The following AKR7A2 variants were observed in gnomAD, a reference collection of about 807,000 sequenced individuals.
The protein encoded by AKR7A2 is aldo-keto reductase family 7 member A2.
In AKR7A2, 29 loss-of-function variants were observed where a neutral mutation model predicts 37.3. The ratio of observed to expected loss-of-function variants is 0.78; its 90% CI spans 0.58 to 1.06. The LOEUF is 1.06. AKR7A2 is among the 50% of genes least tolerant of loss of function. The pLI is 0.00. For missense variants in AKR7A2, 529 were observed against 497.9 expected (o/e 1.06, Z -0.59); for synonymous variants, 228 against 217.8 (o/e 1.05, Z -0.41).
intron 6 of AKR7A2, 30 bp downstream of exon 6, chr1:19,305,985 GGAA>G: frequency 6.2e-7 from 1 of 1,613,246 alleles, no homozygotes; most frequent in South Asian, 1.1e-5. Context: ...CCCCTGGAAG[GGAA>G]GAAGCTGAGC....
At chr1:19,307,965 G>T in intron 3 of AKR7A2, 193 bp downstream of exon 3, 1 of 706,892 alleles carries the variant, frequency 1.4e-6, no homozygotes, top group Non-Finnish European at 2.5e-6. Context: ...AGATAGGCAG[G>T]AAGGAAGCAG....
In AKR7A2 at chr1:19,304,149, T is replaced by G. The variant is rs2093756856; in HGVS notation, c.*76A>C. The stretch of plus-strand genomic sequence containing the variant: ...TCAGAAAAACCCTTCTAAGTCAGCT[T>G]AAGGCCAAGACTGGTCAGTGTGAGA... On this transcript the variant is annotated 3_prime_UTR_variant, in exon 7 of 7. Transcript: ENST00000235835. 1 of 1,611,052 alleles carries G rather than the reference T, an allele frequency of 6.2e-7. No homozygotes were observed. The highest frequency in any genetic ancestry group is 2.2e-5 in the East Asian group (1 of 44,870).
intron 3 of AKR7A2, chr1:19,307,867 G>A: frequency 1.8e-6 from 1 of 547,724 alleles, no homozygotes; most frequent in Admixed American, 3.1e-5. Flanking sequence ...TGTAAGGCCT[G>A]AGTGCTTCTC....
downstream of AKR7A2, among the ~76,000 whole-genome samples, chr1:19,302,772 CCT>C (rs902086825): frequency 2.0e-5 from 3 of 150,826 alleles, no homozygotes; most frequent in African/African-American, 7.4e-5. Flanking sequence ...CCCACTGCAA[CCT>C]CTGTTTCCGG....
At chr1:19,308,682 C>A (rs759316181) in intron 1 of AKR7A2, 40 bp from the exon 2 acceptor site, 2 of 1,591,142 alleles carry the variant, frequency 1.3e-6, no homozygotes, top group East Asian at 2.2e-5. Flanking sequence ...CCTATTAGAG[C>A]CATTTGCTAA....
At chr1:19,306,214 T>G in intron 5 of AKR7A2, 67 bp from the exon 6 acceptor site, 1 of 1,610,240 alleles carries the variant, frequency 6.2e-7, no homozygotes, top group Non-Finnish European at 8.5e-7. Context: ...CGCAACCAAA[T>G]AGCCATCCAG....
downstream of AKR7A2, among the ~76,000 whole-genome samples, chr1:19,303,755 T>C (rs1172863516): frequency 6.6e-6 from 1 of 152,316 alleles, no homozygotes; most frequent in African/African-American, 2.4e-5. Context: ...TGACTCTCTT[T>C]TCTATCGTGT....
intron 6 of AKR7A2, chr1:19,305,309 A>T (rs918288667): frequency 6.5e-6 from 1 of 154,042 alleles, no homozygotes; most frequent in African/African-American, 2.4e-5. Context: ...CTGAAGCTGG[A>T]GATAAGTTTG....
At chr1:19,309,902 T>A (rs1030498783) in intron 1 of AKR7A2, among the ~76,000 whole-genome samples, 3 of 151,696 alleles carry the variant, frequency 2.0e-5, no homozygotes, top group African/African-American at 7.3e-5. Flanking sequence ...ATGGTGAAAC[T>A]CTGTCTCTAC....
chr1:19,310,424 G>C (rs551168050), intron 1 of AKR7A2, among the ~76,000 whole-genome samples: 1 of 151,246 alleles, frequency 6.6e-6, no homozygotes. Flanking sequence ...GTGGCCGGGC[G>C]TGGTGGCTTA....
Position 19,308,656 on chromosome 1 carries a change from T to G in AKR7A2, c.299-14A>C. ...TGGCAATTTTCACTTGGAGAGAGAATGGAATGGTTAAGTGACCTATTAGAG... is the reference window on the plus strand; with the variant it reads ...TGGCAATTTTCACTTGGAGAGAGAAGGGAATGGTTAAGTGACCTATTAGAG... On this transcript the variant is annotated splice_polypyrimidine_tract_variant and intron_variant, in intron 1 of 6. Transcript: ENST00000235835. 6.2e-7 allele frequency: 1 copy of G among 1,613,594 alleles called. No individual in the cohort carries two copies. Among genetic ancestry groups the G allele is most frequent in the Non-Finnish European group, 8.5e-7 (1 of 1,179,626 alleles).
chr1:19,308,626 C>T lies in AKR7A2; in HGVS notation c.315G>A (p.Lys105=). 6.2e-7 allele frequency: 1 copy of T among 1,614,144 alleles called. No individual in the cohort carries two copies. The highest frequency in any genetic ancestry group is 8.5e-7 in the Non-Finnish European group (1 of 1,180,032). ...GTGATTTTCCATCCCAAGGGTTGGC[C>T]TTGGTGGCAATTTTCACTTGGAGAG... The part of the protein sequence containing the change: ...GGDCRVKIAT[K]ANPWDGKSLK... Residue 105 remains lysine, a synonymous_variant, in exon 2 of 7, where the codon AAG becomes AAA. Coordinates refer to ENST00000235835, the MANE Select transcript of AKR7A2 (RefSeq NM_003689.4).
rs1225835531 is a variant in AKR7A2 at position 19,307,958 on chromosome 1, T to C, written c.591+200A>G. The stretch of plus-strand genomic sequence containing the variant: ...GAAGGAAGGGTCCAAGGTGCACAGA[T>C]AGGCAGGAAGGAAGCAGATGCCCAG... On this transcript the variant is annotated intron_variant, in intron 3 of 6. Transcript: ENST00000235835. 4 of 688,392 alleles carry C rather than the reference T, an allele frequency of 5.8e-6. No individual in the cohort carries two copies. The Admixed American group carries it at 6.6e-5, about 11-fold the overall frequency. 42.6% of individuals were successfully genotyped at this position (688,392 alleles called of 1,614,324 possible).
chr1:19,311,185 G>C (rs779483441), intron 1 of AKR7A2, among the ~76,000 whole-genome samples: 2 of 152,200 alleles, frequency 1.3e-5, no homozygotes, highest in Non-Finnish European at 2.9e-5. Context: ...GGGCTCTCCA[G>C]CAATCATTAC....
Position 19,306,085 on chromosome 1 carries a change from T to C in AKR7A2, c.851A>G (p.Tyr284Cys). 2.5e-6 allele frequency: 4 copies of C among 1,614,180 alleles called. No individual in the cohort carries two copies. The highest frequency in any genetic ancestry group is 3.4e-6 in the Non-Finnish European group (4 of 1,179,998). The change falls in exon 6 of 7, where the codon TAT becomes TGT. Residue 284 changes from tyrosine (Y) to cysteine (C), a missense_variant. Tyr to Cys is a radical substitution (Grantham distance 194). Transcript: ENST00000235835. ...GGTCACACTGGGGGCGCTGGCGCCA[T>C]ATGCGGCCTGCAGGGCCTTCTCCAC... Reference protein sequence around the residue: ...ALVEKALQAAYGASAPSVTSA... With the variant: ...ALVEKALQAACGASAPSVTSA...
intron 3 of AKR7A2, chr1:19,307,819 G>T: frequency 2.0e-6 from 1 of 508,256 alleles, no homozygotes. Flanking sequence ...GACTCCTATG[G>T]GGCTGTCTAG....
chr1:19,303,881 T>C, downstream of AKR7A2: 1 of 375,922 alleles, frequency 2.7e-6, no homozygotes, highest in Non-Finnish European at 5.1e-6. Flanking sequence ...ACCTCTGCCC[T>C]CTGAAGACTC....
Position 19,307,042 on chromosome 1 carries a change from G to C in AKR7A2, c.748C>G (p.Arg250Gly), listed in dbSNP as rs369846651. The C allele has an allele frequency of 6.2e-7, 1 of 1,614,116 alleles. No homozygotes were observed. Among genetic ancestry groups the C allele is most frequent in the East Asian group, 2.2e-5 (1 of 44,884 alleles). Residue 250 changes from arginine to glycine, a missense_variant, in exon 5 of 7, where the codon CGC becomes GGC. Physicochemically the swap from Arg to Gly is moderately radical, Grantham distance 125. Transcript: ENST00000235835. ...EDKDGKQPVG[R>G]FFGNSWAETY... is the part of the protein sequence containing the mutation. ...TCAGCCCAGCTATTCCCAAAGAAGCGGCCCACAGGCTGTTTCCCGTCCTTG... is the reference window on the plus strand; with the variant it reads ...TCAGCCCAGCTATTCCCAAAGAAGCCGCCCACAGGCTGTTTCCCGTCCTTG...
Position 19,307,316 on chromosome 1 carries a change from G to A in AKR7A2, c.686C>T (p.Ala229Val), listed in dbSNP as rs755874628. 3.1e-6 allele frequency: 5 copies of A among 1,613,094 alleles called. No homozygotes were observed. The highest frequency in any genetic ancestry group is 1.3e-5 in the African/African-American group (1 of 74,902). ...GLRFYAYNPL[A>V]GGLLTGKYKY... ...AGGGTCAGGAATGCTCCACGTACCA[G>A]CCAGAGGGTTGTAGGCATAGAACCT... Residue 229 changes from alanine (A) to valine (V), a missense_variant and splice_region_variant, in exon 4 of 7, where the codon GCT becomes GTT. Physicochemically the swap from Ala to Val is moderately conservative, Grantham distance 64. Transcript: ENST00000235835.
Sources: gnomAD v4.1 joint callset for allele counts (sites outside exome capture counted in the v4.1 genomes callset) on GRCh38, gnomAD v4.1.1 for gene constraint, MANE v1.5 for transcripts, NCBI Gene and HGNC (gene_info 2026-07-23, HGNC 2026-07-21) for gene names.